Variants in SMAD2 observed in about 807,000 individuals in gnomAD.
SMAD2 encodes the protein SMAD family member 2.
SMAD2 carries 8 observed loss-of-function variants against 64.4 expected under a neutral mutation model. The ratio of observed to expected loss-of-function variants is 0.12; its 90% CI spans 0.07 to 0.22. SMAD2 has a LOEUF of 0.22. Ranked by LOEUF, SMAD2 falls within the 10% of genes least tolerant of loss-of-function variation. The pLI, the probability that SMAD2 is intolerant of heterozygous loss-of-function variation, is 1.00. For missense variants in SMAD2, 289 were observed against 561.2 expected, an observed-to-expected ratio of 0.51 and a Z score of 4.90; for synonymous variants, 203 against 195.8, an observed-to-expected ratio of 1.04 and a Z score of -0.31.
intron 5 of SMAD2, among the ~76,000 whole-genome samples, chr18:47,865,399 T>C (rs2031483763): frequency 6.6e-6 from 1 of 152,200 alleles, no homozygotes; most frequent in Admixed American, 6.5e-5. Context: ...TATATGTACA[T>C]ATTCTGGGGC....
chr18:47,827,138 A>C lies in SMAD2; in HGVS notation c.*14689T>G, dbSNP rs769918269. On this transcript the variant is annotated 3_prime_UTR_variant, in exon 11 of 11. Coordinates refer to ENST00000262160, the MANE Select transcript of SMAD2 (RefSeq NM_005901.6). ...CTGTCCAGCCATTAAAATCCAAAAA[A>C]AAAATTTGTTCAAAGTAGGCAATTG... 6.6e-6 allele frequency: 1 copy of C among 152,222 alleles called. No individual in the cohort carries two copies. The highest frequency in any genetic ancestry group is 1.5e-5 in the Non-Finnish European group (1 of 68,032). 9.4% of individuals were successfully genotyped at this position (152,222 alleles called of 1,614,324 possible).
At chr18:47,892,157 T>C (rs770280085) in intron 2 of SMAD2, among the ~76,000 whole-genome samples, 2 of 152,106 alleles carry the variant, frequency 1.3e-5, no homozygotes, top group South Asian at 4.1e-4. Context: ...AGATTTCCTG[T>C]AGTTGAGTCA....
At chr18:47,853,640 C>T (rs2030369141) in intron 6 of SMAD2, among the ~76,000 whole-genome samples, 2 of 151,848 alleles carry the variant, frequency 1.3e-5, no homozygotes, top group South Asian at 4.1e-4. Context: ...AAATGGTAGC[C>T]CCTAGATAAA....
intron 1 of SMAD2, among the ~76,000 whole-genome samples, chr18:47,917,932 C>T (rs989210102): frequency 6.6e-6 from 1 of 152,080 alleles, no homozygotes; most frequent in Non-Finnish European, 1.5e-5. Flanking sequence ...ATTTTAATGG[C>T]TGGAAAATGG....
chr18:47,851,416 T>A, intron 6 of SMAD2, 89 bp from the exon 7 acceptor site: 4 of 771,280 alleles, frequency 5.2e-6, no homozygotes, highest in Non-Finnish European at 6.8e-6. Flanking sequence ...GTTATAATTA[T>A]CAACAATAAT....
intron 6 of SMAD2, among the ~76,000 whole-genome samples, chr18:47,855,172 A>C (rs928503004): frequency 2.6e-5 from 4 of 152,188 alleles, no homozygotes; most frequent in Admixed American, 6.5e-5. Context: ...ACATTCCCCA[A>C]TCATCAACAC....
At chr18:47,858,509 T>G (rs1013254665) in intron 6 of SMAD2, among the ~76,000 whole-genome samples, 6 of 152,182 alleles carry the variant, frequency 3.9e-5, no homozygotes, top group African/African-American at 1.4e-4. Context: ...AAATACTTCT[T>G]TTTATCCCTT....
intron 1 of SMAD2, among the ~76,000 whole-genome samples, chr18:47,906,925 T>C (rs1329950733): frequency 1.3e-5 from 2 of 152,152 alleles, no homozygotes; most frequent in Non-Finnish European, 2.9e-5. Context: ...CCCACCCAGA[T>C]AATCCAGGAT....
At chr18:47,881,749 CTT>C (rs1358909910) in intron 2 of SMAD2, among the ~76,000 whole-genome samples, 3 of 152,136 alleles carry the variant, frequency 2.0e-5, no homozygotes, top group Non-Finnish European at 4.4e-5. Flanking sequence ...GAGAAAGTCT[CTT>C]TGTTTCTCAT....
chr18:47,823,908 T>C lies in SMAD2; in HGVS notation c.*17919A>G, dbSNP rs796364213. The C allele has an allele frequency of 6.6e-6, 1 of 152,178 alleles. No homozygotes were observed. Among genetic ancestry groups the C allele is most frequent in the Admixed American group, 6.5e-5 (1 of 15,270 alleles). The allele number at this position is 152,178 out of a possible 1,614,324, so 9.4% of individuals were successfully genotyped here. A position where few individuals can be genotyped will look rare whatever the true frequency, so the allele number is the denominator to read the frequency against. ...AACAGAATAATGCTAGCCCAGCACTTTGAGGGGACAACAAAGGACTAAGGA... is the reference window on the plus strand; with the variant it reads ...AACAGAATAATGCTAGCCCAGCACTCTGAGGGGACAACAAAGGACTAAGGA... On this transcript the variant is annotated 3_prime_UTR_variant, in exon 11 of 11. Transcript: ENST00000262160.
At chr18:47,849,528 C>T (rs1914882442) in intron 7 of SMAD2, among the ~76,000 whole-genome samples, 1 of 151,272 alleles carries the variant, frequency 6.6e-6, no homozygotes, top group South Asian at 2.1e-4. Flanking sequence ...TTGGCATTTA[C>T]AGGGGATTGG....
At chr18:47,854,610 C>G (rs536591426) in intron 6 of SMAD2, among the ~76,000 whole-genome samples, 20 of 150,992 alleles carry the variant, frequency 1.3e-4, no homozygotes, top group African/African-American at 4.4e-4. Flanking sequence ...AGTTCTTAGA[C>G]TTGTCATCTA....
At chr18:47,848,729 G>C (rs1914778153) in intron 7 of SMAD2, 42 bp from the exon 8 acceptor site, 1 of 1,377,888 alleles carries the variant, frequency 7.3e-7, no homozygotes, top group Non-Finnish European at 1.0e-6. Flanking sequence ...AGGAAGAAAT[G>C]CGTGAACAAT....
In SMAD2 at chr18:47,830,126, T is replaced by C. The variant is rs922926692; in HGVS notation, c.*11701A>G. The C allele has an allele frequency of 2.6e-5, 4 of 152,222 alleles. No individual in the cohort carries two copies. Among genetic ancestry groups the C allele is most frequent in the Admixed American group, 1.3e-4 (2 of 15,288 alleles). The allele number at this position is 152,222 out of a possible 1,614,324, so 9.4% of individuals were successfully genotyped here. A position where few individuals can be genotyped will look rare whatever the true frequency, so the allele number is the denominator to read the frequency against. On this transcript the variant is annotated 3_prime_UTR_variant, in exon 11 of 11. Transcript: ENST00000262160. ...GATTGACGATGTACATTTTTAAATG[T>C]GGTGATAACACGTTATTATTCATGA...
Position 47,827,315 on chromosome 18 carries a change from A to ATACCCAGACAACTAAAG in SMAD2, c.*14511_*14512insCTTTAGTTGTCTGGGTA, listed in dbSNP as rs1193683913. The ATACCCAGACAACTAAAG allele has an allele frequency of 6.6e-6, 1 of 152,122 alleles. No homozygotes were observed. Among genetic ancestry groups the ATACCCAGACAACTAAAG allele is most frequent in the African/African-American group, 2.4e-5 (1 of 41,340 alleles). The allele number at this position is 152,122 out of a possible 1,614,324, so 9.4% of individuals were successfully genotyped here. A position where few individuals can be genotyped will look rare whatever the true frequency, so the allele number is the denominator to read the frequency against. On this transcript the variant is annotated 3_prime_UTR_variant, in exon 11 of 11. Coordinates refer to ENST00000262160, the MANE Select transcript of SMAD2 (RefSeq NM_005901.6). ...ATACCCAGACAACTAAAGAGACTAA[A>ATACCCAGACAACTAAAG]ATCATGTAAATCATCCATTTCCCAG...
chr18:47,882,475 G>A (rs1422785739), intron 2 of SMAD2: 1 of 152,488 alleles, frequency 6.6e-6, no homozygotes, highest in Non-Finnish European at 1.5e-5. Context: ...GGGATTACAG[G>A]TATGAGCCGC....
At position 47,810,506 on chromosome 18, in the gene SMAD2, T is replaced by A. The variant is rs1232674326; in HGVS notation, c.*31321A>T. ...ACCTGATTCCACACTGCCTTATAAT[T>A]GGCATTAGTGGCACCTGTGACAGCA... is the stretch of plus-strand genomic sequence containing the variant. On this transcript the variant is annotated 3_prime_UTR_variant, in exon 11 of 11. Transcript: ENST00000262160. 1 of 152,194 alleles carries A rather than the reference T, an allele frequency of 6.6e-6. No homozygotes were observed. The highest frequency in any genetic ancestry group is 1.5e-5 in the Non-Finnish European group (1 of 68,036). The allele number at this position is 152,194 out of a possible 1,614,324, so 9.4% of individuals were successfully genotyped here.
chr18:47,920,938 T>C (rs2034534974), intron 1 of SMAD2, among the ~76,000 whole-genome samples: 1 of 152,234 alleles, frequency 6.6e-6, no homozygotes, highest in Non-Finnish European at 1.5e-5. Context: ...GCAAATCGCT[T>C]GAGCCCAGGA....
Position 47,869,342 on chromosome 18 carries a change from G to T in SMAD2, c.421C>A (p.His141Asn). Residue 141 changes from histidine (H) to asparagine (N), a missense_variant, in exon 4 of 11, where the codon CAT (histidine) becomes AAT (asparagine). Physicochemically the swap from His to Asn is moderately conservative, Grantham distance 68. This residue lies in a region of SMAD2 where 119 missense variants were observed against 156.7 expected (regional missense o/e 0.76). Transcript: ENST00000262160. ...LWRWPDLHSH[H>N]ELKAIENCEY... ...CAGTTTTCAATTGCCTTGAGTTCAT[G>T]ATGACTGTGAAGATCAGGCCAGCGC... 1 of 1,613,574 alleles carries T rather than the reference G, an allele frequency of 6.2e-7. No individual in the cohort carries two copies. The highest frequency in any genetic ancestry group is 8.5e-7 in the Non-Finnish European group (1 of 1,179,634).
Sources: allele counts gnomAD v4.1 joint callset (sites outside exome capture counted in the v4.1 genomes callset), GRCh38; gene constraint gnomAD v4.1.1; regional missense constraint gnomAD v4.1.1; transcripts MANE v1.5; gene names NCBI Gene and HGNC (gene_info 2026-07-23, HGNC 2026-07-21).